Variants in ARHGAP11B observed in about 807,000 individuals in gnomAD.
ARHGAP11B encodes the protein inactive Rho GTPase-activating protein 11B.
ARHGAP11B carries 14 observed loss-of-function variants against 27.6 expected under a neutral mutation model. That is an observed-to-expected ratio of 0.51 (90% CI 0.34 to 0.79). ARHGAP11B has a LOEUF of 0.79. Ranked by LOEUF, ARHGAP11B falls within the 30% of genes least tolerant of loss-of-function variation. The probability of loss-of-function intolerance (pLI) is 0.02; values close to 1 mark genes in which losing one functional copy is unlikely to be tolerated. For synonymous variants in ARHGAP11B, 82 were observed against 114.1 expected (o/e 0.72, Z 1.80); for missense variants, 245 against 320.1 (o/e 0.77, Z 1.79).
At chr15:30,636,854 A>G (rs1242755056) in intron 6 of ARHGAP11B, among the ~76,000 whole-genome samples, 1 of 152,084 alleles carries the variant, frequency 6.6e-6, no homozygotes, top group Admixed American at 6.6e-5. Context: ...CTGTGTCAGA[A>G]CTTCCCTCTT....
Position 30,635,709 on chromosome 15 carries a change from A to T in ARHGAP11B, c.*3+76A>T, listed in dbSNP as rs995602794. 13 of 1,460,892 alleles carry T rather than the reference A, an allele frequency of 8.9e-6. No individual in the cohort carries two copies. In the East Asian group the frequency reaches 2.9e-4, roughly 33 times the overall value. 90.5% of individuals were successfully genotyped at this position (1,460,892 alleles called of 1,614,324 possible). Reference sequence around the variant, plus strand: ...AGTACATTTCACATAAAGAAGCATGAACTGTGGTATGTGCCTTTTTGGTGC... The same window carrying T: ...AGTACATTTCACATAAAGAAGCATGTACTGTGGTATGTGCCTTTTTGGTGC... On this transcript the variant is annotated intron_variant, in intron 6 of 10. Coordinates refer to ENST00000428041, the Ensembl canonical transcript of ARHGAP11B.
At chr15:30,646,715 A>G (rs1373651796) in intron 9 of ARHGAP11B, among the ~76,000 whole-genome samples, 1 of 151,522 alleles carries the variant, frequency 6.6e-6, no homozygotes, top group African/African-American at 2.4e-5. Context: ...CATGCCTGTA[A>G]TCCCAGCACT....
intron 1 of ARHGAP11B, among the ~76,000 whole-genome samples, chr15:30,628,226 G>A (rs1170759524): frequency 1.3e-5 from 2 of 151,778 alleles, no homozygotes; most frequent in Admixed American, 1.3e-4. Context: ...AACTACAGGC[G>A]TCCGCCACCA....
At chr15:30,644,180 T>C (rs1282735818) in intron 7 of ARHGAP11B, among the ~76,000 whole-genome samples, 3 of 152,080 alleles carry the variant, frequency 2.0e-5, no homozygotes. Context: ...GTCCTGCCTC[T>C]TTTGAATTGT....
In ARHGAP11B at chr15:30,628,574, C is replaced by T. The variant is rs759488884; in HGVS notation, c.129+1625C>T. On this transcript the variant is annotated intron_variant, in intron 1 of 10. Coordinates refer to ENST00000428041, the Ensembl canonical transcript of ARHGAP11B. ...TTAGGGATTTTTAAAAAGTGAAGCTCTTTATGTAGGCCTAGCACAGTGCGT... is the reference window on the plus strand; with the variant it reads ...TTAGGGATTTTTAAAAAGTGAAGCTTTTTATGTAGGCCTAGCACAGTGCGT... Among the ~76,000 whole-genome samples, 8 of 152,138 alleles carry T rather than the reference C, an allele frequency of 5.3e-5. 1 individual carries two copies. The highest frequency in any genetic ancestry group is 9.6e-5 in the African/African-American group (4 of 41,506).
At chr15:30,640,651 G>C (rs907308847) in intron 7 of ARHGAP11B, among the ~76,000 whole-genome samples, 3 of 151,798 alleles carry the variant, frequency 2.0e-5, no homozygotes, top group Admixed American at 6.6e-5. Flanking sequence ...TTTCATTTTT[G>C]ATTCATTATC....
chr15:30,630,983 G>A (rs1363816478), intron 2 of ARHGAP11B, among the ~76,000 whole-genome samples: 1 of 151,924 alleles, frequency 6.6e-6, no homozygotes, highest in Non-Finnish European at 1.5e-5. Flanking sequence ...GGGGTGGGAG[G>A]ATTGCTTGAG....
intron 1 of ARHGAP11B, among the ~76,000 whole-genome samples, chr15:30,628,894 A>G (rs2060226000): frequency 6.6e-6 from 1 of 152,186 alleles, no homozygotes; most frequent in South Asian, 2.1e-4. Flanking sequence ...AAGGAAAAAA[A>G]CACGCTGAAT....
exon 5 of ARHGAP11B, chr15:30,635,109 A>G (rs1047074557): frequency 1.9e-6 from 3 of 1,613,578 alleles, no homozygotes; most frequent in Non-Finnish European, 2.5e-6. Context: ...GATAGCAGCA[A>G]TCTTGCAGTA....
rs1347398765 is a variant in ARHGAP11B, at chr15:30,633,375, A to G, written c.201-115A>G. The stretch of plus-strand genomic sequence containing the variant: ...ACATTTCATCTCAAAGACTACAGAG[A>G]TTTGTGGCTTTAGAGCCTCTGAAAG... On this transcript the variant is annotated intron_variant, in intron 2 of 10. Coordinates refer to ENST00000428041, the Ensembl canonical transcript of ARHGAP11B. 8.8e-6 allele frequency: 7 copies of G among 793,908 alleles called. No individual in the cohort carries two copies. The South Asian group carries it at 1.7e-4, about 20-fold the overall frequency. 49.2% of individuals were successfully genotyped at this position (793,908 alleles called of 1,614,324 possible).
At chr15:30,631,102 CATA>C (rs2060242457) in intron 2 of ARHGAP11B, among the ~76,000 whole-genome samples, 1 of 151,182 alleles carries the variant, frequency 6.6e-6, no homozygotes, top group East Asian at 2.0e-4. Flanking sequence ...TTGATTAAAA[CATA>C]ATTGTTTCAA....
intron 6 of ARHGAP11B, among the ~76,000 whole-genome samples, 172 bp from the exon 7 acceptor site, chr15:30,638,574 A>C (rs1595676344): frequency 6.6e-6 from 1 of 152,098 alleles, no homozygotes; most frequent in Admixed American, 6.6e-5. Flanking sequence ...GAATGGAATA[A>C]AAATATATCC....
chr15:30,635,543 C>G (rs1303694128), exon 6 of ARHGAP11B: 4 of 1,613,024 alleles, frequency 2.5e-6, no homozygotes, highest in Non-Finnish European at 3.4e-6. Flanking sequence ...TATTGATGGT[C>G]TCTGTGCTAC....
chr15:30,626,996 C>G, intron 1 of ARHGAP11B, 47 bp downstream of exon 1: 1 of 1,608,860 alleles, frequency 6.2e-7, no homozygotes, highest in Non-Finnish European at 8.5e-7. Context: ...AGGGCACACC[C>G]TTTATCATCA....
chr15:30,636,418 C>T (rs188552407), intron 6 of ARHGAP11B, among the ~76,000 whole-genome samples: 1 of 152,134 alleles, frequency 6.6e-6, no homozygotes, highest in Admixed American at 6.6e-5. Flanking sequence ...TCTCCTTGAT[C>T]AAGAAATCAG....
chr15:30,637,348 A>G (rs1353446745), intron 6 of ARHGAP11B, among the ~76,000 whole-genome samples: 1 of 152,064 alleles, frequency 6.6e-6, no homozygotes, highest in African/African-American at 2.4e-5. Context: ...GGCTTTAACC[A>G]TGGGTTCTAC....
At chr15:30,646,843 C>T (rs775780295) in intron 9 of ARHGAP11B, among the ~76,000 whole-genome samples, 2 of 151,314 alleles carry the variant, frequency 1.3e-5, no homozygotes, top group Non-Finnish European at 2.9e-5. Flanking sequence ...GTGGTGCACT[C>T]GTGTAATCCT....
At chr15:30,643,625 T>C (rs2060328002) in intron 7 of ARHGAP11B, among the ~76,000 whole-genome samples, 1 of 152,042 alleles carries the variant, frequency 6.6e-6, no homozygotes, top group African/African-American at 2.4e-5. Context: ...CTCAAGTCCT[T>C]GACACTTTGA....
At chr15:30,641,747 C>G (rs542420137) in intron 7 of ARHGAP11B, 1 of 152,096 alleles carries the variant, frequency 6.6e-6, no homozygotes, top group Admixed American at 6.6e-5. Context: ...GACGGAGTCT[C>G]GCTCTGTCTC....
Sources: allele counts gnomAD v4.1 joint callset (sites outside exome capture counted in the v4.1 genomes callset), GRCh38; gene constraint gnomAD v4.1.1; transcripts MANE v1.5; gene names NCBI Gene and HGNC (gene_info 2026-07-23, HGNC 2026-07-21).